The following KCND3 variants were observed in gnomAD, a reference collection of about 807,000 sequenced individuals.
KCND3 encodes the protein A-type voltage-gated potassium channel KCND3.
Under a neutral mutation model 51.1 loss-of-function variants are expected in KCND3, and 9 were observed. That is an observed-to-expected ratio of 0.18 (90% CI 0.11 to 0.31). The LOEUF (loss-of-function observed/expected upper bound fraction) is 0.31. KCND3 is among the 10% of genes least tolerant of loss of function. The pLI, the probability that KCND3 is intolerant of heterozygous loss-of-function variation, is 1.00. For missense variants in KCND3, 526 were observed against 903.8 expected, an observed-to-expected ratio of 0.58 and a Z score of 5.36; for synonymous variants, 349 against 368.0, an observed-to-expected ratio of 0.95 and a Z score of 0.59.
chr1:111,825,190 A>G (rs1277904236), intron 2 of KCND3, among the ~76,000 whole-genome samples: 1 of 152,240 alleles, frequency 6.6e-6, no homozygotes, highest in Non-Finnish European at 1.5e-5. Flanking sequence ...CCAGTGATCC[A>G]GGGTCCACAC....
At chr1:111,846,308 C>T (rs548786693) in intron 2 of KCND3, among the ~76,000 whole-genome samples, 2 of 152,344 alleles carry the variant, frequency 1.3e-5, no homozygotes, top group Admixed American at 1.3e-4. Flanking sequence ...ACTGAACACA[C>T]AGTTCCCTCT....
chr1:111,980,599 C>A (rs970337710), intron 2 of KCND3, among the ~76,000 whole-genome samples: 2 of 152,130 alleles, frequency 1.3e-5, no homozygotes, highest in African/African-American at 4.8e-5. Context: ...CTAGCCTAAG[C>A]AAATATAGAC....
At chr1:111,970,865 C>T (rs1410874568) in intron 2 of KCND3, among the ~76,000 whole-genome samples, 1 of 152,184 alleles carries the variant, frequency 6.6e-6, no homozygotes, top group Non-Finnish European at 1.5e-5. Context: ...ATAGTGTCAG[C>T]TCCATGCATG....
At chr1:111,905,410 A>G (rs1670598767) in intron 2 of KCND3, among the ~76,000 whole-genome samples, 1 of 152,236 alleles carries the variant, frequency 6.6e-6, no homozygotes, top group Non-Finnish European at 1.5e-5. Context: ...ATATGAGAGT[A>G]GAGAGGCTCG....
chr1:111,786,968 T>C lies in KCND3; in HGVS notation c.1245A>G (p.Arg415=). The C allele has an allele frequency of 6.2e-7, 1 of 1,614,124 alleles. No homozygotes were observed. The highest frequency in any genetic ancestry group is 8.5e-7 in the Non-Finnish European group (1 of 1,180,020). The change falls in exon 3 of 8, where the codon AGA becomes AGG. Residue 415 remains arginine (R), a synonymous_variant. Transcript: ENST00000302127. Reference sequence around the variant, plus strand: ...CCTTTTGTGCCCTGCGTTTATCAGCTCTCTGATTCTGGTGGTAAATCCGGC... The same window carrying C: ...CCTTTTGTGCCCTGCGTTTATCAGCCCTCTGATTCTGGTGGTAAATCCGGC... ...NFSRIYHQNQ[R]ADKRRAQKKA...
chr1:111,867,553 C>A (rs1668634994), intron 2 of KCND3, among the ~76,000 whole-genome samples: 1 of 152,120 alleles, frequency 6.6e-6, no homozygotes. Flanking sequence ...CCTGTATTTC[C>A]ATGCAGTGGG....
chr1:111,937,413 C>T (rs920482709), intron 2 of KCND3, among the ~76,000 whole-genome samples: 2 of 152,142 alleles, frequency 1.3e-5, no homozygotes, highest in African/African-American at 4.8e-5. Context: ...CCAGCCATGC[C>T]CCGAGTCATC....
chr1:111,882,266 C>T (rs574002406), intron 2 of KCND3, among the ~76,000 whole-genome samples: 5 of 152,288 alleles, frequency 3.3e-5, no homozygotes, highest in Admixed American at 1.3e-4. Flanking sequence ...ATGGGGAAAT[C>T]GAGGCATGGG....
intron 2 of KCND3, among the ~76,000 whole-genome samples, chr1:111,951,969 G>A (rs770807927): frequency 1.6e-4 from 25 of 152,172 alleles, no homozygotes; most frequent in Non-Finnish European, 3.4e-4. Flanking sequence ...ATGTTTCAGG[G>A]TCCAGGAACA....
At chr1:111,858,302 C>T (rs12403251) in intron 2 of KCND3, among the ~76,000 whole-genome samples, 7,000 of 152,228 alleles carry the variant, frequency 0.046, 229 homozygotes, top group Middle Eastern at 0.11. Context: ...CTTACTTTGA[C>T]GCTTCAAAGT....
intron 2 of KCND3, among the ~76,000 whole-genome samples, chr1:111,829,678 C>T (rs573376770): frequency 6.6e-6 from 1 of 152,268 alleles, no homozygotes; most frequent in Admixed American, 6.5e-5. Context: ...CAATCCAATC[C>T]CTCGTCCCGC....
At chr1:111,963,876 C>G (rs1173414605) in intron 2 of KCND3, among the ~76,000 whole-genome samples, 1 of 152,242 alleles carries the variant, frequency 6.6e-6, no homozygotes, top group East Asian at 1.9e-4. Context: ...ACAAGGACTT[C>G]TTTTTTGAAG....
chr1:111,811,793 G>T (rs559401899), intron 2 of KCND3, among the ~76,000 whole-genome samples: 1 of 152,338 alleles, frequency 6.6e-6, no homozygotes, highest in Admixed American at 6.5e-5. Flanking sequence ...CCCCTGGAGA[G>T]ACGTTACTTA....
intron 2 of KCND3, among the ~76,000 whole-genome samples, chr1:111,873,523 T>C (rs979002467): frequency 2.0e-5 from 3 of 152,154 alleles, no homozygotes; most frequent in African/African-American, 7.2e-5. Context: ...TTAGGAACTC[T>C]ACTTTATGAA....
Position 111,883,844 on chromosome 1 carries a change from A to C in KCND3, c.1107-96738T>G, listed in dbSNP as rs141939403. ...AATAGCCACAATATTGACTTACTACATGTGCAAGGCATTGCAGATGCTGAA... is the reference window on the plus strand; with the variant it reads ...AATAGCCACAATATTGACTTACTACCTGTGCAAGGCATTGCAGATGCTGAA... On this transcript the variant is annotated intron_variant, in intron 2 of 7. Transcript: ENST00000302127. Among the ~76,000 whole-genome samples, 885 of 152,312 alleles carry C rather than the reference A, an allele frequency of 5.8e-3. 6 individuals carry two copies. Among genetic ancestry groups the C allele is most frequent in the African/African-American group, 0.02 (844 of 41,564 alleles).
At chr1:111,917,626 T>C (rs975338401) in intron 2 of KCND3, among the ~76,000 whole-genome samples, 2 of 152,204 alleles carry the variant, frequency 1.3e-5, no homozygotes, top group Non-Finnish European at 2.9e-5. Context: ...AGCCCTTACA[T>C]TGGTACTTCT....
At chr1:111,795,812 A>C (rs928623783) in intron 2 of KCND3, among the ~76,000 whole-genome samples, 2 of 152,212 alleles carry the variant, frequency 1.3e-5, no homozygotes, top group Non-Finnish European at 2.9e-5. Context: ...AACAGTGTAT[A>C]AGTGTTCCTT....
At chr1:111,852,490 G>A (rs577282340) in intron 2 of KCND3, among the ~76,000 whole-genome samples, 38 of 152,250 alleles carry the variant, frequency 2.5e-4, no homozygotes, top group African/African-American at 7.9e-4. Flanking sequence ...CTCTGTCTCC[G>A]GCACCTTCTT....
chr1:111,816,707 C>T (rs1443860696), intron 2 of KCND3, among the ~76,000 whole-genome samples: 1 of 152,208 alleles, frequency 6.6e-6, no homozygotes, highest in Non-Finnish European at 1.5e-5. Flanking sequence ...AAACAAAAAC[C>T]TAAAGAGAAA....
Sources: gnomAD v4.1 joint callset for allele counts (sites outside exome capture counted in the v4.1 genomes callset) on GRCh38, gnomAD v4.1.1 for gene constraint, MANE v1.5 for transcripts, NCBI Gene and HGNC (gene_info 2026-07-23, HGNC 2026-07-21) for gene names.